Variants in FBN2 observed in about 807,000 individuals in gnomAD.
FBN2 encodes the protein fibrillin 2, also known as fibrillin-2.
A neutral mutation model predicts 355.6 loss-of-function variants in FBN2; 105 were observed. The observed-to-expected ratio is 0.30, with a 90% CI of 0.25 to 0.35. The LOEUF (loss-of-function observed/expected upper bound fraction) is 0.35, where lower values mean the gene tolerates loss of function less well. Among genes scored for constraint, FBN2 ranks in the 10% least tolerant of loss-of-function variants. The pLI, the probability that FBN2 is intolerant of heterozygous loss-of-function variation, is 1.00. For missense variants in FBN2, 3,280 were observed against 3,758.7 expected (o/e 0.87, Z 3.33); for synonymous variants, 1,350 against 1,301.2 (o/e 1.04, Z -0.81).
At chr5:128,402,799 C>T (rs1475934878) in intron 8 of FBN2, among the ~76,000 whole-genome samples, 1 of 152,188 alleles carries the variant, frequency 6.6e-6, no homozygotes, top group Non-Finnish European at 1.5e-5. Context: ...TGGTCTGGTT[C>T]CAGCCTGGGC....
At chr5:128,388,076 A>T (rs1752414201) in intron 11 of FBN2, among the ~76,000 whole-genome samples, 1 of 152,170 alleles carries the variant, frequency 6.6e-6, no homozygotes. Context: ...TGTTGCACTG[A>T]ACCTTTATTA....
intron 8 of FBN2, among the ~76,000 whole-genome samples, chr5:128,399,204 G>T (rs759544016): frequency 1.3e-5 from 2 of 152,004 alleles, no homozygotes; most frequent in Non-Finnish European, 2.9e-5. Flanking sequence ...TACACAATTA[G>T]CCATACCACT....
Position 128,259,713 on chromosome 5 carries a change from G to A in FBN2, c.8481C>T (p.Pro2827=). The stretch of plus-strand genomic sequence containing the variant: ...TGACATAACGGATGTGGTTGTTGAG[G>A]GGCTGGATGGCGGGCCTTAGTTCCA... ...HILELRPAIQ[P]LNNHIRYVIS... Residue 2827 remains proline, a synonymous_variant, in exon 65 of 65, where the codon CCC becomes CCT. Transcript: ENST00000262464. The A allele has an allele frequency of 6.8e-6, 11 of 1,613,914 alleles. No individual in the cohort carries two copies. Among genetic ancestry groups the A allele is most frequent in the Non-Finnish European group, 9.3e-6 (11 of 1,179,900 alleles).
chr5:128,349,894 A>G, intron 22 of FBN2, 61 bp downstream of exon 22: 1 of 1,259,114 alleles, frequency 7.9e-7, no homozygotes. Flanking sequence ...TTGAGAGTGA[A>G]TGTTAATTTT....
At chr5:128,401,221 C>G (rs992025911) in intron 8 of FBN2, among the ~76,000 whole-genome samples, 4 of 152,102 alleles carry the variant, frequency 2.6e-5, no homozygotes, top group Non-Finnish European at 5.9e-5. Context: ...AATCCCCAGA[C>G]TTTGGGAGTA....
chr5:128,284,140 A>T (rs950954829), intron 55 of FBN2, among the ~76,000 whole-genome samples: 2 of 152,228 alleles, frequency 1.3e-5, no homozygotes, highest in African/African-American at 4.8e-5. Context: ...TAAAATAGGA[A>T]ATAACAACTA....
intron 5 of FBN2, among the ~76,000 whole-genome samples, chr5:128,479,939 T>TCG (rs1755108961): frequency 2.8e-5 from 1 of 35,988 alleles, no homozygotes; most frequent in Non-Finnish European, 6.4e-5. Context: ...TGTCTCTCTC[T>TCG]CTCTCTCTCT....
chr5:128,307,826 T>C (rs1749925233), intron 41 of FBN2, among the ~76,000 whole-genome samples: 1 of 152,010 alleles, frequency 6.6e-6, no homozygotes, highest in Admixed American at 6.5e-5. Context: ...AGATGAAAAA[T>C]GCTTCTGACG....
At chr5:128,314,447 A>G (rs949895593) in intron 36 of FBN2, among the ~76,000 whole-genome samples, 1 of 152,060 alleles carries the variant, frequency 6.6e-6, no homozygotes, top group Non-Finnish European at 1.5e-5. Flanking sequence ...CCTCCCGAGT[A>G]GCTGGGACTA....
chr5:128,474,182 C>T (rs1411554173), intron 5 of FBN2, among the ~76,000 whole-genome samples: 3 of 152,158 alleles, frequency 2.0e-5, no homozygotes, highest in Non-Finnish European at 4.4e-5. Context: ...AACCAATTAA[C>T]TTACTTTAAG....
chr5:128,346,471 A>T (rs1010251594), intron 23 of FBN2, among the ~76,000 whole-genome samples: 18 of 152,240 alleles, frequency 1.2e-4, no homozygotes, highest in African/African-American at 3.9e-4. Flanking sequence ...TAACGGAGGG[A>T]ATGAGATCCC....
intron 5 of FBN2, among the ~76,000 whole-genome samples, chr5:128,488,171 C>T (rs537369421): frequency 9.9e-5 from 15 of 151,188 alleles, no homozygotes; most frequent in Non-Finnish European, 1.5e-4. Flanking sequence ...TGGGAGTTCA[C>T]GCTTCAATGA....
At chr5:128,527,363 A>C (rs1756589105) in intron 4 of FBN2, among the ~76,000 whole-genome samples, 1 of 152,170 alleles carries the variant, frequency 6.6e-6, no homozygotes, top group African/African-American at 2.4e-5. Flanking sequence ...CTGCTTTTTA[A>C]AAATCATTTC....
chr5:128,501,913 A>G (rs758643418), intron 5 of FBN2, among the ~76,000 whole-genome samples: 2 of 152,182 alleles, frequency 1.3e-5, no homozygotes, highest in African/African-American at 4.8e-5. Flanking sequence ...CTAAAAATGG[A>G]GAAAAATGAC....
chr5:128,351,531 G>C (rs571934714), intron 20 of FBN2, among the ~76,000 whole-genome samples: 4 of 151,038 alleles, frequency 2.6e-5, no homozygotes, highest in African/African-American at 9.7e-5. Flanking sequence ...TAGGCAACAA[G>C]AGTGAAACTT....
intron 4 of FBN2, among the ~76,000 whole-genome samples, chr5:128,522,610 C>T (rs1051024738): frequency 6.6e-6 from 1 of 151,850 alleles, no homozygotes; most frequent in Admixed American, 6.6e-5. Context: ...CTGCAGCAGC[C>T]GAAGTTTACA....
chr5:128,419,221 T>C (rs951465445), intron 7 of FBN2, among the ~76,000 whole-genome samples: 3 of 152,360 alleles, frequency 2.0e-5, no homozygotes, highest in African/African-American at 7.2e-5. Flanking sequence ...TTCACTTCAG[T>C]TGTTACCTTG....
At chr5:128,374,851 A>C (rs1752041107) in intron 14 of FBN2, 101 bp from the exon 15 acceptor site, 2 of 1,241,218 alleles carry the variant, frequency 1.6e-6, no homozygotes, top group Admixed American at 1.9e-5. Context: ...CCTTTTGTTT[A>C]TAACTTTATA....
chr5:128,337,264 A>C (rs1750867048), intron 27 of FBN2, among the ~76,000 whole-genome samples: 1 of 152,214 alleles, frequency 6.6e-6, no homozygotes, highest in Admixed American at 6.5e-5. Context: ...CTTATAAATA[A>C]ATATATGTGT....
Sources: allele counts gnomAD v4.1 joint callset (sites outside exome capture counted in the v4.1 genomes callset), GRCh38; gene constraint gnomAD v4.1.1; transcripts MANE v1.5; gene names NCBI Gene and HGNC (gene_info 2026-07-23, HGNC 2026-07-21).